PRKD2: variants seen among roughly 807,000 people sequenced by gnomAD.
PRKD2 encodes the protein serine/threonine-protein kinase D2.
PRKD2 carries 22 observed loss-of-function variants against 86.0 expected under a neutral mutation model. The observed-to-expected ratio is 0.26, with a 90% confidence interval of 0.18 to 0.37. PRKD2 has a LOEUF of 0.37. Ranked by LOEUF, PRKD2 falls within the 10% of genes least tolerant of loss-of-function variation. The pLI is 1.00. For synonymous variants in PRKD2, 509 were observed against 510.9 expected (o/e 1.00, Z 0.05); for missense variants, 818 against 1,199.2 (o/e 0.68, Z 4.70).
chr19:46,701,021 C>G lies in PRKD2; in HGVS notation c.967+14G>C. On this transcript the variant is annotated intron_variant, in intron 6 of 17. Transcript: ENST00000291281. ...CCCTTCCCCTTTCTCCCCAGCATCC[C>G]CCCAGCCTCTCACCTCCATTGATAA... 4 of 1,614,232 alleles carry G rather than the reference C, an allele frequency of 2.5e-6. No individual in the cohort carries two copies. The highest frequency in any genetic ancestry group is 3.4e-6 in the Non-Finnish European group (4 of 1,180,044).
intron 14 of PRKD2, chr19:46,685,694 A>G (rs1403531561): frequency 6.6e-6 from 1 of 152,288 alleles, no homozygotes; most frequent in African/African-American, 2.4e-5. Flanking sequence ...CATGCCTGTA[A>G]TCCCAGCACT....
At chr19:46,691,853 G>A (rs757733465) in intron 11 of PRKD2, 46 bp from the exon 12 acceptor site, 27 of 1,612,162 alleles carry the variant, frequency 1.7e-5, no homozygotes, top group Non-Finnish European at 2.1e-5. Context: ...ATGGAAATGG[G>A]GAAGGGGGAG....
At chr19:46,683,150 T>TGTCG (rs1326917457) in intron 14 of PRKD2, among the ~76,000 whole-genome samples, 1 of 146,962 alleles carries the variant, frequency 6.8e-6, no homozygotes, top group Non-Finnish European at 1.5e-5. Flanking sequence ...ACCACCACCA[T>TGTCG]GTCGGGCTTT....
intron 14 of PRKD2, chr19:46,686,190 A>C (rs973907323): frequency 6.6e-6 from 1 of 152,102 alleles, no homozygotes; most frequent in Admixed American, 6.5e-5. Flanking sequence ...ACACAAGGGG[A>C]TATTTAACAT....
In PRKD2 at chr19:46,717,014, G is replaced by C. The variant is rs1189653907; in HGVS notation, c.-644C>G. 6.5e-6 allele frequency: 1 copy of C among 153,114 alleles called. No individual in the cohort carries two copies. Among genetic ancestry groups the C allele is most frequent in the African/African-American group, 2.4e-5 (1 of 41,432 alleles). The allele number at this position is 153,114 out of a possible 1,614,324, so 9.5% of individuals were successfully genotyped here. A position where few individuals can be genotyped will look rare whatever the true frequency, so the allele number is the denominator to read the frequency against. ...TGAGGAAGGGGGCGTTGCCGGAGCG[G>C]GGTTGGGTGGGGGGCAGGGAGGGTC... On this transcript the variant is annotated 5_prime_UTR_variant, in exon 1 of 18. Coordinates refer to ENST00000291281, the MANE Select transcript of PRKD2 (RefSeq NM_016457.5).
chr19:46,695,520 C>T (rs957827527), intron 9 of PRKD2, among the ~76,000 whole-genome samples: 2 of 152,212 alleles, frequency 1.3e-5, no homozygotes, highest in African/African-American at 4.8e-5. Context: ...GGAAATGAGG[C>T]CACACAGGGC....
At chr19:46,691,651 T>C (rs1188008147) in intron 12 of PRKD2, 84 bp downstream of exon 12, 2 of 1,365,960 alleles carry the variant, frequency 1.5e-6, no homozygotes, top group Non-Finnish European at 2.1e-6. Context: ...AAAGGAAGGG[T>C]TGGAGCCAGA....
chr19:46,711,379 C>T (rs1161279403), intron 2 of PRKD2, among the ~76,000 whole-genome samples: 3 of 152,146 alleles, frequency 2.0e-5, no homozygotes, highest in Non-Finnish European at 4.4e-5. Context: ...CTTAAAAGTG[C>T]TTAAAATGTT....
chr19:46,688,382 T>C (rs893249016), intron 14 of PRKD2, among the ~76,000 whole-genome samples: 53 of 151,922 alleles, frequency 3.5e-4, no homozygotes, highest in African/African-American at 1.2e-3. Flanking sequence ...ATAGCTATCA[T>C]TACCGCTAGT....
At chr19:46,675,271 A>C (rs1390613356) in intron 16 of PRKD2, among the ~76,000 whole-genome samples, 153 bp from the exon 17 acceptor site, 1 of 151,282 alleles carries the variant, frequency 6.6e-6, no homozygotes, top group Admixed American at 6.6e-5. Context: ...TCACTCACCC[A>C]CCCATTTCCT....
chr19:46,674,404 C>T lies in PRKD2; in HGVS notation c.*119G>A. On this transcript the variant is annotated 3_prime_UTR_variant, in exon 18 of 18. Coordinates refer to ENST00000291281, the MANE Select transcript of PRKD2 (RefSeq NM_016457.5). ...GGCCTTGGAAATAGCTCCCCCCACC[C>T]CACTCCCCACGTGTCCCATCCAGTT... 3 of 1,105,776 alleles carry T rather than the reference C, an allele frequency of 2.7e-6. No individual in the cohort carries two copies. The highest frequency in any genetic ancestry group is 3.8e-6 in the Non-Finnish European group (3 of 793,168). 68.5% of individuals were successfully genotyped at this position (1,105,776 alleles called of 1,614,324 possible). A position where few individuals can be genotyped will look rare whatever the true frequency, so the allele number is the denominator to read the frequency against.
intron 15 of PRKD2, among the ~76,000 whole-genome samples, chr19:46,680,669 A>G (rs2053284706): frequency 6.6e-6 from 1 of 151,760 alleles, no homozygotes; most frequent in African/African-American, 2.4e-5. Context: ...GATTTTGAAG[A>G]CATAGTATGA....
chr19:46,698,263 C>A (rs570533379), intron 7 of PRKD2, among the ~76,000 whole-genome samples: 1 of 152,212 alleles, frequency 6.6e-6, no homozygotes, highest in East Asian at 1.9e-4. Context: ...CCTTCCCTAA[C>A]TCCTGCCCCT....
intron 14 of PRKD2, among the ~76,000 whole-genome samples, chr19:46,688,620 A>G (rs1485704744): frequency 1.3e-5 from 2 of 151,468 alleles, no homozygotes; most frequent in Non-Finnish European, 2.9e-5. Flanking sequence ...TATTTTTAGT[A>G]GAGACAGGGT....
intron 15 of PRKD2, 55 bp downstream of exon 15, chr19:46,681,595 C>A: frequency 1.1e-6 from 1 of 902,450 alleles, no homozygotes. Context: ...CCCACCCCCA[C>A]CCCGGCCATC....
intron 14 of PRKD2, among the ~76,000 whole-genome samples, chr19:46,686,627 G>C (rs1178406456): frequency 6.6e-6 from 1 of 151,884 alleles, no homozygotes; most frequent in Admixed American, 6.6e-5. Flanking sequence ...ACTCCAGCCT[G>C]GGTGACAAAA....
rs371850459 is a variant in PRKD2 at position 46,700,846 on chromosome 19, C to T, written c.1074G>A (p.Ala358=). The T allele has an allele frequency of 2.5e-5, 40 of 1,614,126 alleles. No homozygotes were observed. Among genetic ancestry groups the T allele is most frequent in the Non-Finnish European group, 3.1e-5 (37 of 1,180,046 alleles). ...GVIPGSHSEN[A]LHASEEEEGE... ...CTTCCTCCTCCTCACTGGCGTGGAGCGCATTCTCTGAGTGGGAGCCAGGGA... is the reference window on the plus strand; with the variant it reads ...CTTCCTCCTCCTCACTGGCGTGGAGTGCATTCTCTGAGTGGGAGCCAGGGA... The change falls in exon 7 of 18, where the codon GCG becomes GCA. Residue 358 remains alanine, a synonymous_variant. Transcript: ENST00000291281.
In PRKD2 at chr19:46,716,693, G is replaced by A; in HGVS notation, c.-323C>T. 1 of 215,168 alleles carries A rather than the reference G, an allele frequency of 4.6e-6. No homozygotes were observed. The highest frequency in any genetic ancestry group is 1.5e-3 in the Middle Eastern group (1 of 658). The allele number at this position is 215,168 out of a possible 1,614,324, so 13.3% of individuals were successfully genotyped here. The stretch of plus-strand genomic sequence containing the variant: ...AGTAGGTCGGGGTCACAGGGATCAG[G>A]AGAGCCCGCGATTCAAAGGCCCCTT... On this transcript the variant is annotated 5_prime_UTR_variant, in exon 1 of 18. Transcript: ENST00000291281. The surrounding 1 kb of genome is among the most constrained non-coding windows in gnomAD (Gnocchi z 7.9).
chr19:46,713,601 G>GC (rs2053839258), intron 2 of PRKD2, among the ~76,000 whole-genome samples: 1 of 151,390 alleles, frequency 6.6e-6, no homozygotes, highest in Non-Finnish European at 1.5e-5. Context: ...TCTTCCAGAA[G>GC]CCCCCAACTC....
Sources: allele counts gnomAD v4.1 joint callset (sites outside exome capture counted in the v4.1 genomes callset), GRCh38; gene constraint gnomAD v4.1.1; non-coding constraint Gnocchi (gnomAD v3.1); transcripts MANE v1.5; gene names NCBI Gene and HGNC (gene_info 2026-07-23, HGNC 2026-07-21).